The following MIDN variants were observed in gnomAD, a reference collection of about 807,000 sequenced individuals.
MIDN encodes midbrain nucleolar protein.
Under a neutral mutation model 46.1 loss-of-function variants are expected in MIDN, and 26 were observed. That is an observed-to-expected ratio of 0.56 (90% CI 0.41 to 0.78). MIDN has a LOEUF of 0.78. MIDN is among the 30% of genes least tolerant of loss of function. MIDN has a pLI of 0.00. For missense variants in MIDN, 850 were observed against 771.8 expected (o/e 1.10, Z -1.20); for synonymous variants, 432 against 343.3 (o/e 1.26, Z -2.86).
At position 1,251,403 on chromosome 19, in the gene MIDN, C is replaced by T. The variant is rs556281547; in HGVS notation, c.234-159C>T. ...CTCCCAGCACCAGACGGAGACCTCTCTGCACGCGCTTAGGGCCCTGGATCT... is the reference window on the plus strand; with the variant it reads ...CTCCCAGCACCAGACGGAGACCTCTTTGCACGCGCTTAGGGCCCTGGATCT... On this transcript the variant is annotated intron_variant, in intron 2 of 8. Coordinates refer to ENST00000682408, the MANE Select transcript of MIDN (RefSeq NM_001388306.1). 1.3e-5 allele frequency: 8 copies of T among 626,086 alleles called. No homozygotes were observed. In the Admixed American group the frequency reaches 1.3e-4, roughly 10 times the overall value. 38.8% of individuals were successfully genotyped at this position (626,086 alleles called of 1,614,324 possible).
intron 2 of MIDN, among the ~76,000 whole-genome samples, chr19:1,250,860 G>A (rs2081117439): frequency 6.6e-6 from 1 of 152,056 alleles, no homozygotes; most frequent in Admixed American, 6.5e-5. Context: ...GCCGGCTTCC[G>A]CATCTGCTCG....
Position 1,250,314 on chromosome 19 carries a change from C to G in MIDN, c.18C>G (p.Gly6=). The change falls in exon 2 of 9, where the codon GGC becomes GGG. Residue 6 remains glycine, a synonymous_variant. Transcript: ENST00000682408. MEPQP[G]GARSCRRGAP... is the part of the protein sequence containing the mutation. ...CGCCGGGGATGGAGCCGCAGCCCGGCGGCGCCCGGAGCTGCCGGCGCGGGG... is the reference window on the plus strand; with the variant it reads ...CGCCGGGGATGGAGCCGCAGCCCGGGGGCGCCCGGAGCTGCCGGCGCGGGG... The G allele has an allele frequency of 1.0e-6, 1 of 992,450 alleles. No homozygotes were observed. The highest frequency in any genetic ancestry group is 1.2e-6 in the Non-Finnish European group (1 of 835,838). The allele number at this position is 992,450 out of a possible 1,614,324, so 61.5% of individuals were successfully genotyped here. A position where few individuals can be genotyped will look rare whatever the true frequency, so the allele number is the denominator to read the frequency against.
chr19:1,254,322 G>T lies in MIDN; in HGVS notation c.669G>T (p.Gly223=), dbSNP rs1009885854. The T allele has an allele frequency of 5.7e-6, 9 of 1,570,824 alleles. No individual in the cohort carries two copies. The highest frequency in any genetic ancestry group is 1.7e-4 in the Middle Eastern group (1 of 5,950). Residue 223 remains glycine (G), a synonymous_variant, in exon 6 of 9, where the codon GGG becomes GGT. Transcript: ENST00000682408. ...CGGCCGCCGCCGCTGCTGCGCGGGGGGACCCCAGCATAGCCTCCCCCGTGT... is the reference window on the plus strand; with the variant it reads ...CGGCCGCCGCCGCTGCTGCGCGGGGTGACCCCAGCATAGCCTCCCCCGTGT... ...AAAAAAAAAR[G]DPSIASPVSS... is the part of the protein sequence containing the mutation.
At chr19:1,255,340 A>T in intron 7 of MIDN, 82 bp from the exon 8 acceptor site, 1 of 1,460,814 alleles carries the variant, frequency 6.8e-7, no homozygotes, top group Non-Finnish European at 9.1e-7. Flanking sequence ...GCCTGAGCTC[A>T]TGAGCTCACA....
intron 4 of MIDN, among the ~76,000 whole-genome samples, chr19:1,252,591 C>T (rs1244349906): frequency 6.6e-6 from 1 of 152,042 alleles, no homozygotes; most frequent in South Asian, 2.1e-4. Flanking sequence ...TGGCTGCGGC[C>T]AAGCCTTCCT....
At position 1,257,141 on chromosome 19, in the gene MIDN, C is replaced by T. The variant is rs770154213; in HGVS notation, c.1405C>T (p.Arg469Cys). The T allele has an allele frequency of 8.1e-6, 13 of 1,611,330 alleles. No individual in the cohort carries two copies. The highest frequency in any genetic ancestry group is 6.7e-5 in the East Asian group (3 of 44,860). ...CTGGTCACCCAGCCGCAAGGCCGGCCGCAGCGACAGCAGTAGCAGCGGGGG... is the reference window on the plus strand; with the variant it reads ...CTGGTCACCCAGCCGCAAGGCCGGCTGCAGCGACAGCAGTAGCAGCGGGGG... ...YHWSPSRKAGRSDSSSSGGGG... is the reference protein window; with the variant it reads ...YHWSPSRKAGCSDSSSSGGGG... Residue 469 changes from arginine (R) to cysteine (C), a missense_variant, in exon 9 of 9, where the codon CGC (arginine) becomes TGC (cysteine). Coordinates refer to ENST00000682408, the MANE Select transcript of MIDN (RefSeq NM_001388306.1).
chr19:1,252,880 G>A lies in MIDN; in HGVS notation c.384+979G>A, dbSNP rs372993576. Among the ~76,000 whole-genome samples the A allele has an allele frequency of 6.0e-4, 92 of 152,218 alleles. 1 individual carries two copies. In the East Asian group the frequency reaches 0.014, roughly 23 times the overall value. On this transcript the variant is annotated intron_variant, in intron 4 of 8. Transcript: ENST00000682408. ...GCAGCAGTGGCGTGGGGGCAGAGCC[G>A]GGGTCCCGAGCCAGGGCGGGGGCTG...
chr19:1,258,803 GAA>G lies in MIDN; in HGVS notation c.*1539_*1540del, dbSNP rs1037224598. ...TGTTTTCATTTTTCCAAAAAAAAAA[GAA>G]AAAAAAATAGAAAAAAAAGGAGTAA... On this transcript the variant is annotated 3_prime_UTR_variant, in exon 9 of 9. Coordinates refer to ENST00000682408, the MANE Select transcript of MIDN (RefSeq NM_001388306.1). 1 of 147,288 alleles carries G rather than the reference GAA, an allele frequency of 6.8e-6. No homozygotes were observed. The highest frequency in any genetic ancestry group is 1.5e-5 in the Non-Finnish European group (1 of 66,648). 9.1% of individuals were successfully genotyped at this position (147,288 alleles called of 1,614,324 possible).
chr19:1,249,574 T>G (rs1255084130), intron 1 of MIDN, among the ~76,000 whole-genome samples: 1 of 148,978 alleles, frequency 6.7e-6, no homozygotes, highest in Non-Finnish European at 1.5e-5. Context: ...TGTTGCGGGC[T>G]CCGGGCGCTT....
At chr19:1,255,169 T>A in intron 7 of MIDN, 108 bp downstream of exon 7, 1 of 1,326,466 alleles carries the variant, frequency 7.5e-7, no homozygotes, top group Non-Finnish European at 1.0e-6. Flanking sequence ...ATACACAGGC[T>A]GTGTCCGTCT....
At chr19:1,253,394 C>T (rs1599981854) in intron 4 of MIDN, among the ~76,000 whole-genome samples, 1 of 150,754 alleles carries the variant, frequency 6.6e-6, no homozygotes, top group Non-Finnish European at 1.5e-5. Flanking sequence ...TCATCCCAGC[C>T]TATGTCACTT....
At chr19:1,252,658 C>G (rs1028369609) in intron 4 of MIDN, among the ~76,000 whole-genome samples, 2 of 152,208 alleles carry the variant, frequency 1.3e-5, no homozygotes, top group African/African-American at 4.8e-5. Flanking sequence ...GCAATCCGCC[C>G]GCTGCCAGGG....
intron 7 of MIDN, 79 bp downstream of exon 7, chr19:1,255,140 G>A: frequency 2.7e-6 from 4 of 1,485,258 alleles, no homozygotes; most frequent in African/African-American, 1.4e-5. Flanking sequence ...ACCCACAGGC[G>A]ACTCCACATA....
At chr19:1,256,550 C>T (rs1042945735) in intron 8 of MIDN, among the ~76,000 whole-genome samples, 7 of 151,878 alleles carry the variant, frequency 4.6e-5, no homozygotes, top group Admixed American at 2.0e-4. Context: ...AGCGGCCAAG[C>T]CCCCTCCATG....
rs2081129563 is a variant in MIDN, at chr19:1,251,642, G to A, written c.314G>A (p.Gly105Asp). The stretch of plus-strand genomic sequence containing the variant: ...ACCTTGGTACCCACCGTGGAAGCGG[G>A]CCTCATGGTAAATGGCCATGGGGCT... ...KLTLVPTVEA[G>D]LMSQASRPEQ... Residue 105 changes from glycine to aspartate, a missense_variant, in exon 3 of 9, where the codon GGC becomes GAC. Gly to Asp is a moderately conservative substitution (Grantham distance 94, BLOSUM62 -1). Coordinates refer to ENST00000682408, the MANE Select transcript of MIDN (RefSeq NM_001388306.1). 1.2e-6 allele frequency: 2 copies of A among 1,608,990 alleles called. No homozygotes were observed. The highest frequency in any genetic ancestry group is 8.5e-7 in the Non-Finnish European group (1 of 1,178,260).
In MIDN at chr19:1,258,512, A is replaced by C. The variant is rs1420053732; in HGVS notation, c.*1240A>C. ...GGGTAGTTTTTGGATTTTTTTCCCC[A>C]CTCACTTTTTATTTTTTAATGATAA... is the stretch of plus-strand genomic sequence containing the variant. On this transcript the variant is annotated 3_prime_UTR_variant, in exon 9 of 9. Coordinates refer to ENST00000682408, the MANE Select transcript of MIDN (RefSeq NM_001388306.1). The C allele has an allele frequency of 6.6e-6, 1 of 152,090 alleles. No homozygotes were observed. Among genetic ancestry groups the C allele is most frequent in the Non-Finnish European group, 1.5e-5 (1 of 67,970 alleles). 9.4% of individuals were successfully genotyped at this position (152,090 alleles called of 1,614,324 possible).
intron 5 of MIDN, 38 bp downstream of exon 5, chr19:1,254,120 G>C (rs536265078): frequency 6.4e-7 from 1 of 1,558,056 alleles, no homozygotes; most frequent in African/African-American, 1.4e-5. Flanking sequence ...CTGGGCTGGG[G>C]GCGCCGCAAG....
At chr19:1,250,556 C>T in intron 2 of MIDN, 27 bp downstream of exon 2, 2 of 1,148,062 alleles carry the variant, frequency 1.7e-6, no homozygotes, top group Middle Eastern at 3.1e-4. Flanking sequence ...CCCGGCCGGC[C>T]GCCCCCTCGG....
intron 2 of MIDN, among the ~76,000 whole-genome samples, chr19:1,251,084 TTGTC>T (rs1331409012): frequency 6.6e-6 from 1 of 151,432 alleles, no homozygotes; most frequent in Non-Finnish European, 1.5e-5. Flanking sequence ...AGGGTCTCCT[TTGTC>T]TGCGCGGCGG....
Sources: gnomAD v4.1 joint callset for allele counts (sites outside exome capture counted in the v4.1 genomes callset) on GRCh38, gnomAD v4.1.1 for gene constraint, MANE v1.5 for transcripts, NCBI Gene and HGNC (gene_info 2026-07-23, HGNC 2026-07-21) for gene names.